SLC44A2: variants seen among roughly 807,000 people sequenced by gnomAD.
SLC44A2 encodes the protein solute carrier family 44 member 2 (CTL2 blood group), also known as choline transporter-like protein 2.
In SLC44A2, 57 loss-of-function variants were observed where a neutral mutation model predicts 90.8. That is an observed-to-expected ratio of 0.63 (90% CI 0.51 to 0.78). The LOEUF (loss-of-function observed/expected upper bound fraction) is 0.78. SLC44A2 is among the 30% of genes least tolerant of loss of function. The pLI is 0.00. For synonymous variants in SLC44A2, 355 were observed against 360.7 expected (o/e 0.98, Z 0.18); for missense variants, 794 against 919.7 (o/e 0.86, Z 1.77).
chr19:10,631,295 C>T lies in SLC44A2; in HGVS notation c.351C>T (p.Pro117=), dbSNP rs150141328. Residue 117 remains proline, a synonymous_variant, in exon 6 of 22, where the codon CCC becomes CCT. Coordinates refer to ENST00000335757, the MANE Select transcript of SLC44A2 (RefSeq NM_020428.4). ...CCCAGATCTGCGTGGAAAAATGCCCCGACCGCTACCTCACGTACCTGAATG... is the reference window on the plus strand; with the variant it reads ...CCCAGATCTGCGTGGAAAAATGCCCTGACCGCTACCTCACGTACCTGAATG... ...PTPQICVEKC[P]DRYLTYLNAR... 1.6e-5 allele frequency: 26 copies of T among 1,613,986 alleles called. No individual in the cohort carries two copies. Among genetic ancestry groups the T allele is most frequent in the South Asian group, 2.2e-5 (2 of 91,084 alleles).
intron 2 of SLC44A2, 100 bp from the exon 3 acceptor site, chr19:10,627,622 G>A (rs1352100836): frequency 3.3e-6 from 4 of 1,227,512 alleles, no homozygotes; most frequent in Non-Finnish European, 4.7e-6. Context: ...AGGAAAATTT[G>A]TCCAAATAAC....
intron 1 of SLC44A2, among the ~76,000 whole-genome samples, chr19:10,603,391 G>T (rs369569247): frequency 1.2e-4 from 18 of 152,148 alleles, no homozygotes; most frequent in East Asian, 3.9e-4. Flanking sequence ...CGGAGCCCCA[G>T]CCCCACGTGA....
intron 17 of SLC44A2, 45 bp from the exon 18 acceptor site, chr19:10,637,811 A>AT: frequency 6.2e-7 from 1 of 1,613,496 alleles, no homozygotes; most frequent in Non-Finnish European, 8.5e-7. Context: ...ACCACCCCCC[A>AT]TGCCCACCCA....
chr19:10,630,659 T>TG (rs1555761154), intron 4 of SLC44A2, among the ~76,000 whole-genome samples: 1 of 130,096 alleles, frequency 7.7e-6, no homozygotes, highest in African/African-American at 2.9e-5. Context: ...GGACTCCATC[T>TG]AAAAAAAAAA....
upstream of SLC44A2, among the ~76,000 whole-genome samples, chr19:10,624,694 T>C (rs1268255791): frequency 2.0e-5 from 3 of 152,156 alleles, no homozygotes; most frequent in Non-Finnish European, 4.4e-5. Flanking sequence ...TTAAGTATCC[T>C]CTAGTTCAGA....
chr19:10,635,059 C>T lies in SLC44A2; in HGVS notation c.1041C>T (p.Ile347=). ...GAATTCTCATCGCGATTGCACTCATCAAAGAAGCCAGCAGGTGGGGGGCCA... is the reference window on the plus strand; with the variant it reads ...GAATTCTCATCGCGATTGCACTCATTAAAGAAGCCAGCAGGTGGGGGGCCA... ...RKRILIAIAL[I]KEASRAVGYV... The change falls in exon 12 of 22, where the codon ATC becomes ATT. Residue 347 remains isoleucine (I), a synonymous_variant. Transcript: ENST00000335757. 1 of 1,614,194 alleles carries T rather than the reference C, an allele frequency of 6.2e-7. No individual in the cohort carries two copies. Among genetic ancestry groups the T allele is most frequent in the East Asian group, 2.2e-5 (1 of 44,886 alleles).
At chr19:10,641,132 T>C (rs2067111374) in intron 20 of SLC44A2, 1 of 389,132 alleles carries the variant, frequency 2.6e-6, no homozygotes, top group Non-Finnish European at 4.9e-6. Context: ...GGGGCCCACA[T>C]GTATAATCCC....
At chr19:10,627,440 C>T (rs1468186514) in intron 2 of SLC44A2, among the ~76,000 whole-genome samples, 1 of 151,886 alleles carries the variant, frequency 6.6e-6, no homozygotes, top group Non-Finnish European at 1.5e-5. Context: ...ACTTGGGAAG[C>T]TGAGGCAGGA....
At position 10,634,851 on chromosome 19, in the gene SLC44A2, G is replaced by T. The variant is rs1162137584; in HGVS notation, c.919G>T (p.Val307Leu). Residue 307 changes from valine to leucine, a missense_variant, in exon 11 of 22, where the codon GTG becomes TTG. Val to Leu is a conservative substitution (Grantham distance 32). Transcript: ENST00000335757. ...CCTCGGCTTTCAGACGGATTTCCGG[G>T]TGTACCTGCACTTACGGCAGACCTG... Reference protein sequence around the residue: ...VDLGFQTDFRVYLHLRQTWLA... With the variant: ...VDLGFQTDFRLYLHLRQTWLA... 3 of 1,614,168 alleles carry T rather than the reference G, an allele frequency of 1.9e-6. No homozygotes were observed. The highest frequency in any genetic ancestry group is 2.5e-6 in the Non-Finnish European group (3 of 1,180,030).
At chr19:10,618,753 T>C (rs867655826) in intron 1 of SLC44A2, among the ~76,000 whole-genome samples, 75 of 152,026 alleles carry the variant, frequency 4.9e-4, no homozygotes, top group African/African-American at 1.6e-3. Flanking sequence ...TTGTGTATTT[T>C]AGTAGAGGCA....
chr19:10,635,075 T>TG lies in SLC44A2; in HGVS notation c.1055+8dup. 6.2e-7 allele frequency: 1 copy of TG among 1,613,940 alleles called. No homozygotes were observed. Among genetic ancestry groups the TG allele is most frequent in the East Asian group, 2.2e-5 (1 of 44,882 alleles). On this transcript the variant is annotated splice_region_variant and intron_variant, in intron 12 of 21. Coordinates refer to ENST00000335757, the MANE Select transcript of SLC44A2 (RefSeq NM_020428.4). ...TGCACTCATCAAAGAAGCCAGCAGGTGGGGGGCCAGGGTGCCAGGGGCCAG... is the reference window on the plus strand; with the variant it reads ...TGCACTCATCAAAGAAGCCAGCAGGTGGGGGGGCCAGGGTGCCAGGGGCCAG...
upstream of SLC44A2, among the ~76,000 whole-genome samples, chr19:10,624,091 G>T (rs762152521): frequency 2.1e-4 from 31 of 151,060 alleles, no homozygotes; most frequent in Non-Finnish European, 8.8e-5. Flanking sequence ...TCCGCCTCTC[G>T]GGTTGAAGTG....
At chr19:10,617,122 G>C (rs1157516086) in intron 1 of SLC44A2, among the ~76,000 whole-genome samples, 1 of 151,214 alleles carries the variant, frequency 6.6e-6, no homozygotes, top group Non-Finnish European at 1.5e-5. Context: ...GGGTTTCATC[G>C]TGTTAGCCAG....
chr19:10,603,863 T>G (rs1043315176), intron 1 of SLC44A2, among the ~76,000 whole-genome samples: 20 of 151,870 alleles, frequency 1.3e-4, no homozygotes, highest in Non-Finnish European at 2.8e-4. Context: ...TCTGAGGGGG[T>G]CTTGGGTCTC....
intron 16 of SLC44A2, chr19:10,637,214 G>A (rs1599256858): frequency 4.6e-6 from 1 of 216,260 alleles, no homozygotes; most frequent in African/African-American, 2.3e-5. Flanking sequence ...GCCAGGCATG[G>A]TGGTGTGTGC....
chr19:10,618,171 A>ATT (rs548727188), intron 1 of SLC44A2, among the ~76,000 whole-genome samples: 9 of 112,860 alleles, frequency 8.0e-5, no homozygotes, highest in African/African-American at 1.4e-4. Context: ...TGCCTGGCTA[A>ATT]TTTTTTTTTT....
At chr19:10,608,786 A>G (rs1918193289) in intron 1 of SLC44A2, among the ~76,000 whole-genome samples, 1 of 151,574 alleles carries the variant, frequency 6.6e-6, no homozygotes, top group African/African-American at 2.4e-5. Flanking sequence ...AGGACCTGGG[A>G]CTACAAGATT....
chr19:10,610,169 TG>T (rs1470141086), intron 1 of SLC44A2, among the ~76,000 whole-genome samples: 1 of 151,732 alleles, frequency 6.6e-6, no homozygotes, highest in Non-Finnish European at 1.5e-5. Context: ...GGGCTAAGAA[TG>T]GCTCTTATAT....
At chr19:10,624,025 A>G (rs1212448564), upstream of SLC44A2, among the ~76,000 whole-genome samples, 1 of 114,676 alleles carries the variant, frequency 8.7e-6, no homozygotes, top group Admixed American at 9.1e-5. Flanking sequence ...TTTTTGAGAC[A>G]CTCGCTCTGT....
Sources: allele counts gnomAD v4.1 joint callset (sites outside exome capture counted in the v4.1 genomes callset), GRCh38; gene constraint gnomAD v4.1.1; transcripts MANE v1.5; gene names NCBI Gene and HGNC (gene_info 2026-07-23, HGNC 2026-07-21).